The following ABCA2 variants were observed in gnomAD, a reference collection of about 807,000 sequenced individuals.
ABCA2 encodes the protein ATP binding cassette subfamily A member 2, also known as ATP-binding cassette sub-family A member 2.
In ABCA2, 84 loss-of-function variants were observed where a neutral mutation model predicts 262.8. That is an observed-to-expected ratio of 0.32 (90% CI 0.27 to 0.38). The LOEUF (loss-of-function observed/expected upper bound fraction) is 0.38. Ranked by LOEUF, ABCA2 falls within the 10% of genes least tolerant of loss-of-function variation. The probability of loss-of-function intolerance (pLI) is 1.00; values close to 1 mark genes in which losing one functional copy is unlikely to be tolerated. For synonymous variants in ABCA2, 1,696 were observed against 1,502.9 expected (o/e 1.13, Z -2.97); for missense variants, 2,662 against 3,405.9 (o/e 0.78, Z 5.44).
intron 1 of ABCA2, among the ~76,000 whole-genome samples, chr9:137,025,808 G>A (rs898303967): frequency 2.6e-5 from 4 of 152,202 alleles, no homozygotes; most frequent in Non-Finnish European, 4.4e-5. Flanking sequence ...CTATAGCAAC[G>A]GCCTCGCACG....
At chr9:137,012,637 G>A in intron 31 of ABCA2, 47 bp from the exon 32 acceptor site, 1 of 1,609,994 alleles carries the variant, frequency 6.2e-7, no homozygotes, top group Non-Finnish European at 8.5e-7. Context: ...AGGCAGTGAG[G>A]CTAGAGGGGC....
In ABCA2 at chr9:137,021,109, G is replaced by A; in HGVS notation, c.898-48C>T. On this transcript the variant is annotated intron_variant, in intron 8 of 48. Transcript: ENST00000341511. This position sits in a 1 kb window ranked among gnomAD's most constrained non-coding sequence, Gnocchi z 6.0. ...GCAGTGCGGGGTGAGATGGACTGCA[G>A]GTGGGTGATAGGTCAGGAGTGGAGC... The A allele has an allele frequency of 6.9e-7, 1 of 1,448,010 alleles. No individual in the cohort carries two copies. The highest frequency in any genetic ancestry group is 1.4e-5 in the South Asian group (1 of 69,168). 89.7% of individuals were successfully genotyped at this position (1,448,010 alleles called of 1,614,324 possible).
upstream of ABCA2, chr9:137,028,377 C>A: frequency 3.1e-6 from 2 of 645,338 alleles, no homozygotes; most frequent in Non-Finnish European, 1.9e-6. This position sits in a 1 kb window ranked among gnomAD's most constrained non-coding sequence, Gnocchi z 6.9. Flanking sequence ...AGGAGGCGCC[C>A]GCCGCCCGCG....
In ABCA2 at chr9:137,015,750, G is replaced by A. The variant is rs765766541; in HGVS notation, c.3439C>T (p.Leu1147=). Residue 1147 remains leucine, a synonymous_variant, in exon 23 of 49, where the codon CTG becomes TTG. Coordinates refer to ENST00000341511, the MANE Select transcript of ABCA2 (RefSeq NM_001606.5). The part of the protein sequence containing the change: ...AFVGGSRAII[L]DEPTAGVDPY... ...TCCACGCCCGCCGTGGGCTCGTCCA[G>A]GATGATGGCGCGAGAGCCGCCCACG... The A allele has an allele frequency of 2.5e-6, 4 of 1,612,222 alleles. No individual in the cohort carries two copies. The South Asian group carries it at 3.3e-5, about 13-fold the overall frequency.
rs748366859 is a variant in ABCA2 at position 137,008,538 on chromosome 9, C to A, written c.7153G>T (p.Gly2385Cys). ...GGCCGGAGCAGGCTGAGCAAGCAGC[C>A]GAGAGGGGACTGCAGTGCGGATGGC... The part of the protein sequence containing the change: ...EPPSALQSPL[G>C]CLLSLLRPRS... Residue 2385 changes from glycine (G) to cysteine (C), a missense_variant, in exon 48 of 49, where the codon GGC becomes TGC. By Grantham distance (159) the Gly-to-Cys change is radical (BLOSUM62 -3). This residue lies in a region of ABCA2 where 212 missense variants were observed against 214.4 expected (regional missense o/e 0.99). Transcript: ENST00000341511. 2 of 1,602,628 alleles carry A rather than the reference C, an allele frequency of 1.2e-6. No individual in the cohort carries two copies. The highest frequency in any genetic ancestry group is 2.3e-5 in the East Asian group (1 of 44,444).
chr9:137,013,536 G>A lies in ABCA2; in HGVS notation c.4475C>T (p.Pro1492Leu). 6.2e-7 allele frequency: 1 copy of A among 1,610,182 alleles called. No individual in the cohort carries two copies. Among genetic ancestry groups the A allele is most frequent in the Non-Finnish European group, 8.5e-7 (1 of 1,179,422 alleles). Residue 1492 changes from proline (P) to leucine (L), a missense_variant, in exon 29 of 49, where the codon CCT (proline) becomes CTT (leucine). Around this residue, in one of 12 missense-constraint regions of ABCA2, gnomAD observed 75 missense variants for 118.3 expected, o/e 0.63. Transcript: ENST00000341511. ...CTGGGTGTAGTTGTGGTACTGGGAA[G>A]GTGACAGGACCAGCGGGGGCAGATC... is the stretch of plus-strand genomic sequence containing the variant. ...IGDLPPLVLSPSQYHNYTQPR... is the reference protein window; with the variant it reads ...IGDLPPLVLSLSQYHNYTQPR...
At chr9:137,008,910 C>T in intron 46 of ABCA2, 41 bp downstream of exon 46, 2 of 1,596,702 alleles carry the variant, frequency 1.3e-6, no homozygotes, top group Non-Finnish European at 1.7e-6. Context: ...GCCCCCCCAC[C>T]CCGTAGCGCC....
Position 137,011,144 on chromosome 9 carries a change from G to A in ABCA2, c.5924-39C>T, listed in dbSNP as rs1189377384. On this transcript the variant is annotated intron_variant, in intron 38 of 48. Transcript: ENST00000341511. This position sits in a 1 kb window ranked among gnomAD's most constrained non-coding sequence, Gnocchi z 8.8. ...GCTCAGGGCCTGTGCTCTGGGCCTTGCGGGGCCCCCACCGCCTTCCCCGCC... is the reference window on the plus strand; with the variant it reads ...GCTCAGGGCCTGTGCTCTGGGCCTTACGGGGCCCCCACCGCCTTCCCCGCC... 1.6e-5 allele frequency: 25 copies of A among 1,611,744 alleles called. No individual in the cohort carries two copies. The highest frequency in any genetic ancestry group is 2.1e-5 in the Non-Finnish European group (25 of 1,179,588).
rs1830909052 is a variant in ABCA2, at chr9:137,008,428, G to A, written c.7263C>T (p.Phe2421=). Residue 2421 remains phenylalanine (F), a synonymous_variant, in exon 48 of 49, where the codon TTC becomes TTT. Transcript: ENST00000341511. ...LDTEDEGLIS[F]EEERAQLSFN... is the part of the protein sequence containing the mutation. Reference sequence around the variant, plus strand: ...GCAGCCTGCTCACCCGCTCCTCCTCGAAGCTGATGAGGCCCTCGTCCTCCG... The same window carrying A: ...GCAGCCTGCTCACCCGCTCCTCCTCAAAGCTGATGAGGCCCTCGTCCTCCG... The A allele has an allele frequency of 3.2e-6, 5 of 1,551,200 alleles. No individual in the cohort carries two copies. The highest frequency in any genetic ancestry group is 1.2e-5 in the South Asian group (1 of 84,232).
chr9:137,014,458 G>A lies in ABCA2; in HGVS notation c.4004-54C>T, dbSNP rs12344416. Reference sequence around the variant, plus strand: ...CTCAGGGCTACTGGCCCCTAGGCCTGCCCAGGACCCCCATCCCCGGTCTTG... The same window carrying A: ...CTCAGGGCTACTGGCCCCTAGGCCTACCCAGGACCCCCATCCCCGGTCTTG... On this transcript the variant is annotated intron_variant, in intron 26 of 48. Transcript: ENST00000341511. The A allele has an allele frequency of 3.3e-6, 5 of 1,521,052 alleles. No homozygotes were observed. The South Asian group carries it at 4.8e-5, about 15-fold the overall frequency. 94.2% of individuals were successfully genotyped at this position (1,521,052 alleles called of 1,614,324 possible).
intron 6 of ABCA2, 126 bp downstream of exon 6, chr9:137,022,225 G>T: frequency 7.8e-7 from 1 of 1,289,482 alleles, no homozygotes; most frequent in African/African-American, 1.6e-5. Context: ...TGGCTCAGAT[G>T]GTGGGGGCAA....
Position 137,022,853 on chromosome 9 carries a change from C to T in ABCA2, c.288G>A (p.Leu96=), listed in dbSNP as rs745436375. Residue 96 remains leucine, a synonymous_variant, in exon 5 of 49, where the codon CTG becomes CTA. Transcript: ENST00000341511. ...LQYANSTVTQ[L]LERLDRVVEE... Reference sequence around the variant, plus strand: ...CCACCACGCGGTCCAGGCGCTCAAGCAGCTGCGTGACCCTGCACCATGGCG... The same window carrying T: ...CCACCACGCGGTCCAGGCGCTCAAGTAGCTGCGTGACCCTGCACCATGGCG... The T allele has an allele frequency of 6.3e-7, 1 of 1,581,886 alleles. No homozygotes were observed. The highest frequency in any genetic ancestry group is 8.6e-7 in the Non-Finnish European group (1 of 1,164,848).
rs981417162 is a variant in ABCA2, at chr9:137,008,284, C to G, written c.7275+132G>C. ...TATCTGCAAGTGTCCCTCGCCCACT[C>G]TGCCCCCTTGACCTCTGGACAGCAA... On this transcript the variant is annotated intron_variant, in intron 48 of 48. Coordinates refer to ENST00000341511, the MANE Select transcript of ABCA2 (RefSeq NM_001606.5). 4.7e-6 allele frequency: 5 copies of G among 1,072,976 alleles called. No homozygotes were observed. The African/African-American group carries it at 7.8e-5, about 17-fold the overall frequency. The allele number at this position is 1,072,976 out of a possible 1,614,324, so 66.5% of individuals were successfully genotyped here.
rs2131424403 is a variant in ABCA2 at position 137,008,740 on chromosome 9, T to C, written c.7059A>G (p.Thr2353=). The C allele has an allele frequency of 2.5e-6, 4 of 1,581,962 alleles. No individual in the cohort carries two copies. The highest frequency in any genetic ancestry group is 1.7e-4 in the Middle Eastern group (1 of 6,030). ...CCCTTGGGGCGCTCACATTGTCCAG[T>C]GTGGTCTGGCTGACCGAGTAGTCCT... ...GIEDYSVSQT[T]LDNVFVNFAK... Residue 2353 remains threonine (T), a synonymous_variant, in exon 47 of 49, where the codon ACA becomes ACG. Transcript: ENST00000341511.
chr9:137,026,439 T>C (rs1488779476), intron 1 of ABCA2, among the ~76,000 whole-genome samples: 1 of 152,158 alleles, frequency 6.6e-6, no homozygotes, highest in East Asian at 1.9e-4. Flanking sequence ...GTGTGCCCAG[T>C]GTCCAGCCAG....
At chr9:137,024,750 A>T (rs1186265708) in intron 1 of ABCA2, among the ~76,000 whole-genome samples, 1 of 151,026 alleles carries the variant, frequency 6.6e-6, no homozygotes, top group Non-Finnish European at 1.5e-5. Flanking sequence ...GCCTCGGAGA[A>T]GACCTGGTAA....
In ABCA2 at chr9:137,014,979, G is replaced by A. The variant is rs1358175707; in HGVS notation, c.3816C>T (p.Ser1272=). 6.3e-7 allele frequency: 1 copy of A among 1,584,322 alleles called. No individual in the cohort carries two copies. The highest frequency in any genetic ancestry group is 1.8e-5 in the Admixed American group (1 of 56,646). The change falls in exon 25 of 49, where the codon AGC becomes AGT. Residue 1272 remains serine (S), a synonymous_variant. Transcript: ENST00000341511. The part of the protein sequence containing the change: ...VASCLLVSDT[S]TELSYILPSE... Reference sequence around the variant, plus strand: ...TGGGCAGGATGTAGGAGAGCTCCGTGCTTGTGTCTGAGACCAGCAGGCAGG... The same window carrying A: ...TGGGCAGGATGTAGGAGAGCTCCGTACTTGTGTCTGAGACCAGCAGGCAGG...
chr9:137,020,513 G>A lies in ABCA2; in HGVS notation c.1266-18C>T, dbSNP rs755337534. On this transcript the variant is annotated intron_variant, in intron 9 of 48. Transcript: ENST00000341511. Reference sequence around the variant, plus strand: ...CAATGGTGCTGGGGTAGGGGACAGGGGGCCGGGCCAGGCCGTTAGGGGGCA... The same window carrying A: ...CAATGGTGCTGGGGTAGGGGACAGGAGGCCGGGCCAGGCCGTTAGGGGGCA... The A allele has an allele frequency of 2.5e-6, 4 of 1,573,250 alleles. No homozygotes were observed. In the African/African-American group the frequency reaches 4.0e-5, roughly 16 times the overall value.
chr9:137,022,476 A>G lies in ABCA2; in HGVS notation c.442T>C (p.Ser148Pro). Residue 148 changes from serine (S) to proline (P), a missense_variant and splice_region_variant, in exon 6 of 49, where the codon TCT becomes CCT. Ser to Pro is a moderately conservative substitution (Grantham distance 74, BLOSUM62 -1). Around this residue, in one of 12 missense-constraint regions of ABCA2, gnomAD observed 403 missense variants for 375.9 expected, o/e 1.07. Coordinates refer to ENST00000341511, the MANE Select transcript of ABCA2 (RefSeq NM_001606.5). ...GCCACCGAGTCCAGAGAGAAGGAAG[A>G]CACTGGACAGGCAGGAAGGCGAGGC... is the stretch of plus-strand genomic sequence containing the variant. ...SGSHLDRSTVSSFSLDSVARN... is the reference protein window; with the variant it reads ...SGSHLDRSTVPSFSLDSVARN... The G allele has an allele frequency of 1.2e-6, 2 of 1,611,408 alleles. No homozygotes were observed. Among genetic ancestry groups the G allele is most frequent in the Non-Finnish European group, 1.7e-6 (2 of 1,179,482 alleles).
Sources: gnomAD v4.1 joint callset for allele counts (sites outside exome capture counted in the v4.1 genomes callset) on GRCh38, gnomAD v4.1.1 for gene constraint, gnomAD v4.1.1 regional missense constraint, Gnocchi (gnomAD v3.1) non-coding constraint, MANE v1.5 for transcripts, NCBI Gene and HGNC (gene_info 2026-07-23, HGNC 2026-07-21) for gene names.